Variants in CEP44 observed in about 807,000 individuals in gnomAD.
The protein encoded by CEP44 is centrosomal protein 44.
A neutral mutation model predicts 46.7 loss-of-function variants in CEP44; 45 were observed. The observed-to-expected ratio is 0.96, with a 90% CI of 0.76 to 1.24. The LOEUF is 1.24. Among genes scored for constraint, CEP44 ranks in the 50% most tolerant of loss-of-function variants. The probability of loss-of-function intolerance (pLI) is 0.00; values close to 1 mark genes in which losing one functional copy is unlikely to be tolerated. For synonymous variants in CEP44, 142 were observed against 146.0 expected, an observed-to-expected ratio of 0.97 and a Z score of 0.20; for missense variants, 475 against 459.7, an observed-to-expected ratio of 1.03 and a Z score of -0.30.
At position 174,309,375 on chromosome 4, in the gene CEP44, A is replaced by G. The variant is rs138138859; in HGVS notation, c.679-475A>G. Among the ~76,000 whole-genome samples the G allele has an allele frequency of 5.9e-5, 9 of 152,070 alleles. No homozygotes were observed. The highest frequency in any genetic ancestry group is 4.1e-4 in the South Asian group (2 of 4,820). On this transcript the variant is annotated intron_variant, in intron 7 of 11. Coordinates refer to ENST00000503780, the MANE Select transcript of CEP44 (RefSeq NM_001040157.3). The surrounding 1 kb of genome is among the most constrained non-coding windows in gnomAD (Gnocchi z 5.3). Reference sequence around the variant, plus strand: ...TGTGTTTCTATGTCTTGTGATTTCTATATATCTCAGTATATCAATATACAG... The same window carrying G: ...TGTGTTTCTATGTCTTGTGATTTCTGTATATCTCAGTATATCAATATACAG...
intron 1 of CEP44, among the ~76,000 whole-genome samples, chr4:174,291,782 CTTTTCTTTT>C (rs1235261185): frequency 3.7e-5 from 3 of 81,636 alleles, no homozygotes; most frequent in East Asian, 2.9e-4. Flanking sequence ...TTATCTTTTT[CTTTTCTTTT>C]TTTTTTTTTT....
intron 8 of CEP44, among the ~76,000 whole-genome samples, chr4:174,327,588 A>G (rs1473455189): frequency 6.6e-6 from 1 of 152,080 alleles, no homozygotes; most frequent in Non-Finnish European, 1.5e-5. Flanking sequence ...TTTTTATAGC[A>G]ATTGTTGTAG....
intron 6 of CEP44, among the ~76,000 whole-genome samples, chr4:174,304,914 T>C (rs550575357): frequency 1.3e-5 from 2 of 152,358 alleles, no homozygotes; most frequent in African/African-American, 4.8e-5. Context: ...AAATTGAATC[T>C]AATGCACTTA....
chr4:174,316,449 G>T, intron 10 of CEP44, 81 bp from the exon 11 acceptor site: 2 of 1,393,620 alleles, frequency 1.4e-6, no homozygotes, highest in Non-Finnish European at 2.0e-6. Context: ...GTTTCAAACT[G>T]TGTTTTGTAC....
Position 174,314,498 on chromosome 4 carries a change from C to T in CEP44, c.962-1668C>T, listed in dbSNP as rs527608872. Among the ~76,000 whole-genome samples the T allele has an allele frequency of 1.4e-4, 21 of 152,022 alleles. No individual in the cohort carries two copies. Among genetic ancestry groups the T allele is most frequent in the Non-Finnish European group, 2.5e-4 (17 of 68,014 alleles). On this transcript the variant is annotated intron_variant, in intron 9 of 11. Coordinates refer to ENST00000503780, the MANE Select transcript of CEP44 (RefSeq NM_001040157.3). The surrounding 1 kb of genome is among the most constrained non-coding windows in gnomAD (Gnocchi z 4.1). Reference sequence around the variant, plus strand: ...AACTATGAATAGCCTGCCAGCCTGCCAAATACCAGCTTTCTCCCACCATGA... The same window carrying T: ...AACTATGAATAGCCTGCCAGCCTGCTAAATACCAGCTTTCTCCCACCATGA...
Position 174,317,560 on chromosome 4 carries a change from A to G in CEP44, c.*177A>G, listed in dbSNP as rs1741880326. On this transcript the variant is annotated 3_prime_UTR_variant, in exon 12 of 12. Transcript: ENST00000503780. ...ATAACTCTTTTAATATTTTTGAGCA[A>G]TGATTATACTGCTTTACCTTGTGTC... The G allele has an allele frequency of 2.6e-6, 3 of 1,166,564 alleles. No homozygotes were observed. The highest frequency in any genetic ancestry group is 2.1e-6 in the Non-Finnish European group (2 of 938,826). The allele number at this position is 1,166,564 out of a possible 1,614,324, so 72.3% of individuals were successfully genotyped here. A position where few individuals can be genotyped will look rare whatever the true frequency, so the allele number is the denominator to read the frequency against.
At position 174,331,720 on chromosome 4, in the gene CEP44, T is replaced by A; in HGVS notation, c.*125T>A. ...TCCTCCTCAGCTCCAGCTCTTTTAATGGGCATATCAAAACTGATGACTTTT... is the reference window on the plus strand; with the variant it reads ...TCCTCCTCAGCTCCAGCTCTTTTAAAGGGCATATCAAAACTGATGACTTTT... On this transcript the variant is annotated 3_prime_UTR_variant, in exon 9 of 9. Coordinates refer to the CEP44 transcript ENST00000426172. The surrounding 1 kb of genome is among the most constrained non-coding windows in gnomAD (Gnocchi z 4.5). 1 of 1,280,172 alleles carries A rather than the reference T, an allele frequency of 7.8e-7. No individual in the cohort carries two copies. The highest frequency in any genetic ancestry group is 1.0e-6 in the Non-Finnish European group (1 of 957,340). 79.3% of individuals were successfully genotyped at this position (1,280,172 alleles called of 1,614,324 possible).
intron 3 of CEP44, among the ~76,000 whole-genome samples, chr4:174,299,817 T>C (rs1340452559): frequency 1.3e-5 from 2 of 152,190 alleles, no homozygotes; most frequent in South Asian, 4.1e-4. Context: ...TTTTAGAATA[T>C]GGCAACATAC....
chr4:174,324,809 A>G (rs1045339569), downstream of CEP44, among the ~76,000 whole-genome samples: 4 of 152,110 alleles, frequency 2.6e-5, no homozygotes, highest in African/African-American at 9.7e-5. Context: ...AACCAATCAT[A>G]TATTCCTGTG....
At chr4:174,305,842 A>G (rs1193208504) in intron 6 of CEP44, among the ~76,000 whole-genome samples, 1 of 152,168 alleles carries the variant, frequency 6.6e-6, no homozygotes, top group African/African-American at 2.4e-5. Context: ...TCAATGTTCT[A>G]TTTCAGTATG....
At chr4:174,306,051 C>T (rs547909423) in intron 6 of CEP44, among the ~76,000 whole-genome samples, 14 of 151,892 alleles carry the variant, frequency 9.2e-5, no homozygotes, top group Non-Finnish European at 1.9e-4. Context: ...TCTTTGTTTA[C>T]AAGCAAAAGT....
rs1741023774 is a variant in CEP44, at chr4:174,311,045, A to G, written c.961+187A>G. ...CTAACCAGCCTACTTATTTCACATA[A>G]CATAGTGGGTGAATAAATTTCAGTG... On this transcript the variant is annotated intron_variant, in intron 9 of 11. Coordinates refer to ENST00000503780, the MANE Select transcript of CEP44 (RefSeq NM_001040157.3). This position sits in a 1 kb window ranked among gnomAD's most constrained non-coding sequence, Gnocchi z 4.4. Among the ~76,000 whole-genome samples the G allele has an allele frequency of 1.3e-5, 2 of 152,022 alleles. No individual in the cohort carries two copies.
intron 4 of CEP44, among the ~76,000 whole-genome samples, chr4:174,303,167 C>A (rs898766885): frequency 2.6e-5 from 4 of 151,932 alleles, no homozygotes; most frequent in African/African-American, 9.7e-5. Flanking sequence ...CTCTTTCTTG[C>A]TTTTGATCCC....
intron 9 of CEP44, among the ~76,000 whole-genome samples, chr4:174,315,028 A>G (rs569705204): frequency 2.0e-5 from 3 of 152,342 alleles, no homozygotes; most frequent in Admixed American, 6.5e-5. Flanking sequence ...ATGAGTCAGC[A>G]GAGAAAGCCA....
intron 4 of CEP44, 150 bp from the exon 5 acceptor site, chr4:174,303,553 A>T (rs537254733): frequency 1.1e-5 from 5 of 454,480 alleles, no homozygotes; most frequent in East Asian, 3.2e-5. Flanking sequence ...CACCAGCCCT[A>T]TGAATTACTT....
chr4:174,298,664 T>C (rs1739357038), intron 2 of CEP44, among the ~76,000 whole-genome samples: 1 of 152,322 alleles, frequency 6.6e-6, no homozygotes, highest in Non-Finnish European at 1.5e-5. Context: ...AAATCTGCGC[T>C]AAATTTGTCT....
chr4:174,291,023 C>T (rs944657644), intron 1 of CEP44, among the ~76,000 whole-genome samples: 3 of 152,128 alleles, frequency 2.0e-5, no homozygotes, highest in Non-Finnish European at 4.4e-5. Flanking sequence ...CACTTTTAGC[C>T]TACGTGTGTC....
In CEP44 at chr4:174,316,295, G is replaced by A; in HGVS notation, c.1086+5G>A. On this transcript the variant is annotated splice_donor_5th_base_variant and intron_variant, in intron 10 of 11. Transcript: ENST00000503780. ...GGTTTGAATGAGATTTCAGAGGTAA[G>A]AAAATGCTTAGATTATTTCCTTTCT... 6.2e-7 allele frequency: 1 copy of A among 1,607,602 alleles called. No individual in the cohort carries two copies. Among genetic ancestry groups the A allele is most frequent in the Non-Finnish European group, 8.5e-7 (1 of 1,175,002 alleles).
At chr4:174,328,527 A>G (rs1731129028) in intron 8 of CEP44, among the ~76,000 whole-genome samples, 1 of 152,222 alleles carries the variant, frequency 6.6e-6, no homozygotes, top group African/African-American at 2.4e-5. Context: ...GTGCAATTAT[A>G]AGACAGTGTT....
Sources: allele counts gnomAD v4.1 joint callset (sites outside exome capture counted in the v4.1 genomes callset), GRCh38; gene constraint gnomAD v4.1.1; non-coding constraint Gnocchi (gnomAD v3.1); transcripts MANE v1.5; gene names NCBI Gene and HGNC (gene_info 2026-07-23, HGNC 2026-07-21).